SMYD3: variants seen among roughly 807,000 people sequenced by gnomAD.
SMYD3 encodes the protein histone-lysine N-methyltransferase SMYD3.
SMYD3 carries 36 observed loss-of-function variants against 57.7 expected under a neutral mutation model. The observed-to-expected ratio is 0.62, with a 90% CI of 0.48 to 0.82. The LOEUF is 0.82. Ranked by LOEUF, SMYD3 falls within the 40% of genes least tolerant of loss-of-function variation. The pLI is 0.00. For missense variants in SMYD3, 515 were observed against 538.8 expected (o/e 0.96, Z 0.44); for synonymous variants, 211 against 195.0 (o/e 1.08, Z -0.68).
chr1:246,278,545 A>G (rs2064381032), intron 5 of SMYD3, among the ~76,000 whole-genome samples: 1 of 152,176 alleles, frequency 6.6e-6, no homozygotes, highest in South Asian at 2.1e-4. Context: ...GGTCTCCAGG[A>G]ACTGTGGGTA....
intron 2 of SMYD3, among the ~76,000 whole-genome samples, chr1:246,348,409 C>CT (rs942987828): frequency 1.3e-5 from 2 of 151,724 alleles, no homozygotes; most frequent in Non-Finnish European, 2.9e-5. Context: ...GAGCAAGACT[C>CT]TGTCTCGGAA....
intron 5 of SMYD3, among the ~76,000 whole-genome samples, chr1:246,222,414 G>A (rs551161890): frequency 6.6e-6 from 1 of 152,210 alleles, no homozygotes; most frequent in South Asian, 2.1e-4. Context: ...GATTTGAGCC[G>A]ATCTGTGCCT....
chr1:246,295,824 C>A (rs1204677075), intron 5 of SMYD3, among the ~76,000 whole-genome samples: 1 of 152,040 alleles, frequency 6.6e-6, no homozygotes, highest in Admixed American at 6.6e-5. Context: ...AAAAATAAAT[C>A]GTTAAACAAT....
At chr1:246,148,250 G>C (rs573657070) in intron 5 of SMYD3, among the ~76,000 whole-genome samples, 1 of 152,292 alleles carries the variant, frequency 6.6e-6, no homozygotes, top group African/African-American at 2.4e-5. Flanking sequence ...AGGGCACGTG[G>C]AGACAATGGG....
chr1:246,045,033 T>C (rs2059938659), intron 5 of SMYD3, among the ~76,000 whole-genome samples: 1 of 152,284 alleles, frequency 6.6e-6, no homozygotes, highest in East Asian at 1.9e-4. Context: ...GAAGACTCAA[T>C]ATTGTGAAAA....
chr1:246,140,160 G>A (rs1269154917), intron 5 of SMYD3, among the ~76,000 whole-genome samples: 1 of 152,184 alleles, frequency 6.6e-6, no homozygotes, highest in Non-Finnish European at 1.5e-5. Flanking sequence ...TGGTCAATGA[G>A]GTACAAGTGC....
In SMYD3 at chr1:246,355,941, C is replaced by G. The variant is rs929219872; in HGVS notation, c.165-847G>C. On this transcript the variant is annotated intron_variant, in intron 1 of 11. Coordinates refer to ENST00000490107, the MANE Select transcript of SMYD3 (RefSeq NM_001167740.2). The surrounding 1 kb of genome is among the most constrained non-coding windows in gnomAD (Gnocchi z 5.0). ...CACCTAAGAAACCTGAATAGGTAAC[C>G]AGGCGACCTTAGGGCAAGTTTGCTT... Among the ~76,000 whole-genome samples, 4 of 152,178 alleles carry G rather than the reference C, an allele frequency of 2.6e-5. No individual in the cohort carries two copies. The highest frequency in any genetic ancestry group is 5.9e-5 in the Non-Finnish European group (4 of 68,034).
At chr1:245,872,527 G>A (rs775103654) in intron 8 of SMYD3, among the ~76,000 whole-genome samples, 11 of 152,132 alleles carry the variant, frequency 7.2e-5, no homozygotes, top group Admixed American at 4.6e-4. Flanking sequence ...GGGCAGCCCC[G>A]TCACTCCCTT....
intron 1 of SMYD3, among the ~76,000 whole-genome samples, chr1:246,454,031 G>A (rs2067667234): frequency 6.6e-6 from 1 of 152,128 alleles, no homozygotes; most frequent in African/African-American, 2.4e-5. Context: ...TAGGTAATAC[G>A]TGAAGAAATT....
intron 5 of SMYD3, among the ~76,000 whole-genome samples, chr1:246,115,865 G>A (rs943273898): frequency 6.6e-5 from 10 of 152,204 alleles, no homozygotes; most frequent in Admixed American, 1.3e-4. Context: ...ATGGCTGGGC[G>A]TAGTGGCTCA....
Position 246,320,789 on chromosome 1 carries a change from C to T in SMYD3, c.531+6412G>A, listed in dbSNP as rs148192441. ...CTCAAAACAAATTCTACTGAAATTA[C>T]GTTGAGACTATCAATAACCATTGCC... On this transcript the variant is annotated intron_variant, in intron 5 of 11. Transcript: ENST00000490107. 5.0e-3 allele frequency among the ~76,000 whole-genome samples: 756 copies of T among 152,246 alleles called. 3 individuals are homozygous for T. Among genetic ancestry groups the T allele is most frequent in the Middle Eastern group, 0.024 (7 of 294 alleles).
intron 10 of SMYD3, among the ~76,000 whole-genome samples, chr1:245,775,077 C>T (rs1338045269): frequency 1.3e-5 from 2 of 152,144 alleles, no homozygotes; most frequent in African/African-American, 4.8e-5. Context: ...AGCCGCCTGC[C>T]TTGGCCTCCC....
At position 246,101,064 on chromosome 1, in the gene SMYD3, GTTTTTTGT is replaced by G. The variant is rs1167110751; in HGVS notation, c.532-171135_532-171128del. On this transcript the variant is annotated intron_variant, in intron 5 of 11. Transcript: ENST00000490107. ...TCACTAGTAATATGTATTTTTAGGG[GTTTTTTGT>G]TTTTTTTTTTTTTTTTTTTTTTTTT... is the stretch of plus-strand genomic sequence containing the variant. 7.6e-5 allele frequency among the ~76,000 whole-genome samples: 6 copies of G among 78,564 alleles called. 1 individual carries two copies. Among genetic ancestry groups the G allele is most frequent in the Non-Finnish European group, 1.8e-4 (6 of 32,616 alleles). 51.5% of individuals were successfully genotyped at this position (78,564 alleles called of 152,430 possible). A position where few individuals can be genotyped will look rare whatever the true frequency, so the allele number is the denominator to read the frequency against.
intron 1 of SMYD3, among the ~76,000 whole-genome samples, chr1:246,360,521 A>G (rs1259347930): frequency 1.3e-5 from 2 of 152,218 alleles, no homozygotes; most frequent in East Asian, 3.8e-4. Context: ...AAAAAGAACA[A>G]ATCTGGAGGC....
At chr1:246,058,019 C>T (rs1363167996) in intron 5 of SMYD3, among the ~76,000 whole-genome samples, 4 of 151,974 alleles carry the variant, frequency 2.6e-5, no homozygotes, top group African/African-American at 9.7e-5. Context: ...TGTATGATCC[C>T]GATTATATAG....
chr1:245,965,828 T>C (rs1422299282), intron 5 of SMYD3, among the ~76,000 whole-genome samples: 7 of 152,176 alleles, frequency 4.6e-5, no homozygotes, highest in Non-Finnish European at 1.0e-4. Context: ...TCTACATTTG[T>C]GCAAACTCAC....
intron 5 of SMYD3, among the ~76,000 whole-genome samples, chr1:245,978,450 G>C (rs1259967275): frequency 2.0e-5 from 3 of 152,200 alleles, no homozygotes; most frequent in Non-Finnish European, 4.4e-5. Context: ...GTCATTTATA[G>C]AGCTGATCTG....
At chr1:245,833,385 T>C (rs916313933) in intron 10 of SMYD3, among the ~76,000 whole-genome samples, 3 of 152,234 alleles carry the variant, frequency 2.0e-5, no homozygotes, top group Non-Finnish European at 4.4e-5. Flanking sequence ...CTCTGCTCTG[T>C]GGCAGTTTCT....
chr1:246,052,494 G>A (rs1157525083), intron 5 of SMYD3: 3 of 152,126 alleles, frequency 2.0e-5, no homozygotes, highest in East Asian at 1.9e-4. Context: ...CTAATAGTAC[G>A]CAAGTCCACT....
Sources: allele counts gnomAD v4.1 joint callset (sites outside exome capture counted in the v4.1 genomes callset), GRCh38; gene constraint gnomAD v4.1.1; non-coding constraint Gnocchi (gnomAD v3.1); transcripts MANE v1.5; gene names NCBI Gene and HGNC (gene_info 2026-07-23, HGNC 2026-07-21).